Variants in CACNA1A observed in about 807,000 individuals in gnomAD.
CACNA1A encodes the protein calcium voltage-gated channel subunit alpha1 A.
Under a neutral mutation model 262.4 loss-of-function variants are expected in CACNA1A, and 57 were observed. The observed-to-expected ratio is 0.22, with a 90% CI of 0.18 to 0.27. The LOEUF is 0.27. Among genes scored for constraint, CACNA1A ranks in the 10% least tolerant of loss-of-function variants. The pLI is 1.00. For missense variants in CACNA1A, 2,526 were observed against 3,562.8 expected (o/e 0.71, Z 7.41); for synonymous variants, 1,431 against 1,419.3 (o/e 1.01, Z -0.18).
chr19:13,422,390 G>A (rs117682253), intron 3 of CACNA1A, among the ~76,000 whole-genome samples: 2,783 of 152,158 alleles, frequency 0.018, 50 homozygotes, highest in Non-Finnish European at 0.027. Context: ...GCCAGATGAC[G>A]CAGGGTCTCA....
At chr19:13,401,025 T>C (rs545016481) in intron 3 of CACNA1A, among the ~76,000 whole-genome samples, 3 of 152,240 alleles carry the variant, frequency 2.0e-5, no homozygotes, top group South Asian at 4.2e-4. Context: ...GGTTTTGCCA[T>C]GTTGGCCAGG....
intron 10 of CACNA1A, among the ~76,000 whole-genome samples, chr19:13,328,918 C>T (rs1445834364): frequency 7.6e-6 from 1 of 132,166 alleles, no homozygotes; most frequent in Non-Finnish European, 1.6e-5. Context: ...CCCTCCTTCT[C>T]TTCCTCCCTT....
chr19:13,331,305 C>T (rs143899150), intron 9 of CACNA1A, among the ~76,000 whole-genome samples: 1 of 151,256 alleles, frequency 6.6e-6, no homozygotes, highest in Admixed American at 6.6e-5. Flanking sequence ...GGTGTGATCT[C>T]GGCTCACCGC....
rs201765083 is a variant in CACNA1A at position 13,251,258 on chromosome 19, C to T, written c.4866+1733G>A. Among the ~76,000 whole-genome samples, 3 of 151,828 alleles carry T rather than the reference C, an allele frequency of 2.0e-5. No homozygotes were observed. In the East Asian group the frequency reaches 5.8e-4, roughly 30 times the overall value. The stretch of plus-strand genomic sequence containing the variant: ...CAGCACTTTGGGAGGCCGAGGCGGG[C>T]GGATCATGAGGTCAGGAAATCAAGA... On this transcript the variant is annotated intron_variant, in intron 30 of 46. Transcript: ENST00000360228.
chr19:13,298,011 C>T (rs1366646140), intron 19 of CACNA1A, among the ~76,000 whole-genome samples: 2 of 151,996 alleles, frequency 1.3e-5, no homozygotes, highest in East Asian at 1.9e-4. Context: ...TTAGTAGAGA[C>T]GGGGTTTCAC....
chr19:13,235,097 C>T lies in CACNA1A; in HGVS notation c.5134-61G>A, dbSNP rs979829142. 9 of 1,540,056 alleles carry T rather than the reference C, an allele frequency of 5.8e-6. No homozygotes were observed. The African/African-American group carries it at 9.5e-5, about 16-fold the overall frequency. ...TTCCTCCAGTGGCTTCTGGGAAACC[C>T]AGCTCAACCTCCATGGCTGCTTCTG... On this transcript the variant is annotated intron_variant, in intron 33 of 46. Coordinates refer to ENST00000360228, the MANE Select transcript of CACNA1A (RefSeq NM_001127222.2).
At chr19:13,298,148 TGAGACAGAGTCTCACTC>T (rs1568506252) in intron 19 of CACNA1A, among the ~76,000 whole-genome samples, 1 of 146,486 alleles carries the variant, frequency 6.8e-6, no homozygotes, top group East Asian at 2.0e-4. Context: ...TTTTTTTTTT[TGAGACAGAGTCTCACTC>T]TGTCGCCCAG....
intron 3 of CACNA1A, among the ~76,000 whole-genome samples, chr19:13,385,871 G>A (rs982737536): frequency 6.6e-6 from 1 of 151,930 alleles, no homozygotes; most frequent in Non-Finnish European, 1.5e-5. Flanking sequence ...ATTTAAAGAA[G>A]AGAGTCCAGG....
intron 18 of CACNA1A, among the ~76,000 whole-genome samples, chr19:13,299,867 G>T (rs377618890): frequency 1.3e-5 from 2 of 152,162 alleles, no homozygotes; most frequent in South Asian, 2.1e-4. Flanking sequence ...ACCTAGGTGT[G>T]GGGGGTGGTT....
At chr19:13,496,350 T>C (rs533537778) in intron 1 of CACNA1A, among the ~76,000 whole-genome samples, 1 of 152,314 alleles carries the variant, frequency 6.6e-6, no homozygotes, top group Admixed American at 6.5e-5. Context: ...TCTGAAGTAT[T>C]TGATGTCTTC....
chr19:13,340,878 G>C (rs1466109733), intron 6 of CACNA1A, among the ~76,000 whole-genome samples: 1 of 152,102 alleles, frequency 6.6e-6, no homozygotes, highest in South Asian at 2.1e-4. Context: ...CATTAGGGTG[G>C]AACCTCATCC....
intron 6 of CACNA1A, among the ~76,000 whole-genome samples, chr19:13,346,806 A>T (rs1426044607): frequency 3.4e-5 from 5 of 146,180 alleles, no homozygotes; most frequent in Non-Finnish European, 6.0e-5. Context: ...CAGCCTCCCA[A>T]GTAGCTGGGA....
At chr19:13,240,633 C>T (rs896502408) in intron 31 of CACNA1A, among the ~76,000 whole-genome samples, 12 of 149,434 alleles carry the variant, frequency 8.0e-5, no homozygotes, top group Non-Finnish European at 1.8e-4. Flanking sequence ...AGTGTGTGTG[C>T]AGTGTCTGCG....
chr19:13,355,621 C>T (rs954971088), intron 6 of CACNA1A, among the ~76,000 whole-genome samples: 1 of 152,078 alleles, frequency 6.6e-6, no homozygotes, highest in Non-Finnish European at 1.5e-5. Context: ...CTTCTCCAGG[C>T]ACTGGATGGG....
At chr19:13,446,431 GT>G (rs1019328943) in intron 3 of CACNA1A, among the ~76,000 whole-genome samples, 2 of 140,344 alleles carry the variant, frequency 1.4e-5, no homozygotes, top group Non-Finnish European at 3.0e-5. Context: ...GTGCGCGCGT[GT>G]TTTTTCTTTC....
Position 13,286,706 on chromosome 19 carries a change from T to C in CACNA1A, c.3350A>G (p.Gln1117Arg). ...LAIPAMATNP[Q>R]NAASRRTPNN... ...GGGCGTCCGGCGGCTGGCGGCGTTC[T>C]GGGGGTTGGTGGCCATGGCAGGGAT... The change falls in exon 20 of 47, where the codon CAG becomes CGG. Residue 1117 changes from glutamine (Q) to arginine (R), a missense_variant. Physicochemically the swap from Gln to Arg is conservative, Grantham distance 43 (BLOSUM62 1). Around this residue, in one of 17 missense-constraint regions of CACNA1A, gnomAD observed 765 missense variants for 748.6 expected, o/e 1.02. Coordinates refer to ENST00000360228, the MANE Select transcript of CACNA1A (RefSeq NM_001127222.2). 1 of 1,587,578 alleles carries C rather than the reference T, an allele frequency of 6.3e-7. No individual in the cohort carries two copies. The highest frequency in any genetic ancestry group is 2.3e-5 in the East Asian group (1 of 44,352).
intron 15 of CACNA1A, among the ~76,000 whole-genome samples, chr19:13,306,839 C>T (rs566838201): frequency 1.1e-3 from 170 of 152,300 alleles, no homozygotes; most frequent in African/African-American, 3.6e-3. Flanking sequence ...TCACCCATTC[C>T]GTCCCATGGA....
At chr19:13,348,350 G>A (rs1408761073) in intron 6 of CACNA1A, among the ~76,000 whole-genome samples, 1 of 152,192 alleles carries the variant, frequency 6.6e-6, no homozygotes, top group Non-Finnish European at 1.5e-5. Flanking sequence ...GTGAGGAGAA[G>A]GGAGAGAAGG....
In CACNA1A at chr19:13,317,329, G is replaced by A. The variant is rs2058147646; in HGVS notation, c.1346-8C>T. 6.3e-7 allele frequency: 1 copy of A among 1,592,420 alleles called. No individual in the cohort carries two copies. Among genetic ancestry groups the A allele is most frequent in the Admixed American group, 1.7e-5 (1 of 59,514 alleles). On this transcript the variant is annotated splice_polypyrimidine_tract_variant and splice_region_variant and intron_variant, in intron 10 of 46. Transcript: ENST00000360228. ...CTCGGGCGAAGGGAGAACCTGCCAGGGAAAAGATGGAGAATGTCAGGCTCA... is the reference window on the plus strand; with the variant it reads ...CTCGGGCGAAGGGAGAACCTGCCAGAGAAAAGATGGAGAATGTCAGGCTCA...
Sources: allele counts gnomAD v4.1 joint callset (sites outside exome capture counted in the v4.1 genomes callset), GRCh38; gene constraint gnomAD v4.1.1; regional missense constraint gnomAD v4.1.1; transcripts MANE v1.5; gene names NCBI Gene and HGNC (gene_info 2026-07-23, HGNC 2026-07-21).